The following VPS35L variants were observed in gnomAD, a reference collection of about 807,000 sequenced individuals.
The protein encoded by VPS35L is VPS35 endosomal protein sorting factor like, also known as VPS35 endosomal protein-sorting factor-like.
VPS35L carries 83 observed loss-of-function variants against 133.0 expected under a neutral mutation model. The observed-to-expected ratio is 0.62, with a 90% CI of 0.52 to 0.75. VPS35L has a LOEUF of 0.75. Ranked by LOEUF, VPS35L falls within the 30% of genes least tolerant of loss-of-function variation. The pLI, the probability that VPS35L is intolerant of heterozygous loss-of-function variation, is 0.00. For missense variants in VPS35L, 1,083 were observed against 1,206.8 expected, an observed-to-expected ratio of 0.90 and a Z score of 1.52; for synonymous variants, 423 against 449.9, an observed-to-expected ratio of 0.94 and a Z score of 0.76.
chr16:19,555,800 G>T, intron 1 of VPS35L, 54 bp downstream of exon 1: 1 of 1,531,390 alleles, frequency 6.5e-7, no homozygotes, highest in Non-Finnish European at 8.8e-7. Context: ...TACTTGTGAT[G>T]GGGTCGGCCT....
chr16:19,696,399 G>T (rs982605023), intron 29 of VPS35L, among the ~76,000 whole-genome samples: 4 of 152,144 alleles, frequency 2.6e-5, no homozygotes, highest in Non-Finnish European at 4.4e-5. Flanking sequence ...TCGCAGCTCT[G>T]GTAGCAACCG....
chr16:19,626,740 G>A (rs989314642), intron 15 of VPS35L, among the ~76,000 whole-genome samples: 38 of 151,996 alleles, frequency 2.5e-4, no homozygotes, highest in Middle Eastern at 3.2e-3. Context: ...CTAGCTTGGC[G>A]ACAGAGTGAG....
chr16:19,660,009 C>G (rs1419151828), intron 26 of VPS35L, among the ~76,000 whole-genome samples: 1 of 152,108 alleles, frequency 6.6e-6, no homozygotes, highest in East Asian at 1.9e-4. Context: ...GTCTTCAACC[C>G]TTGGAACATC....
chr16:19,607,304 G>A (rs985184775), intron 9 of VPS35L, among the ~76,000 whole-genome samples: 1 of 152,192 alleles, frequency 6.6e-6, no homozygotes, highest in Non-Finnish European at 1.5e-5. Context: ...CTCATGGTCA[G>A]TATGGCTGCA....
In VPS35L at chr16:19,569,565, G is replaced by T; in HGVS notation, c.259G>T (p.Asp87Tyr). The change falls in exon 3 of 31, where the codon GAC (aspartate) becomes TAC (tyrosine). Residue 87 changes from aspartate (D) to tyrosine (Y), a missense_variant. By Grantham distance (160) the Asp-to-Tyr change is radical. Coordinates refer to ENST00000417362, the MANE Select transcript of VPS35L (RefSeq NM_020314.7). The part of the protein sequence containing the change: ...DPLSMFAATA[D>Y]PAALAAAMDS... The stretch of plus-strand genomic sequence containing the variant: ...CCTCTCCATGTTTGCAGCCACTGCT[G>T]ACCCCGCAGCCTTGGCAGCTGCCAT... The T allele has an allele frequency of 1.3e-6, 2 of 1,575,248 alleles. No individual in the cohort carries two copies. The highest frequency in any genetic ancestry group is 2.3e-5 in the East Asian group (1 of 44,340).
chr16:19,649,260 G>A (rs1463248698), intron 24 of VPS35L, among the ~76,000 whole-genome samples: 1 of 152,140 alleles, frequency 6.6e-6, no homozygotes, highest in Non-Finnish European at 1.5e-5. Flanking sequence ...CAAAGTGCTA[G>A]GATTACAGGC....
chr16:19,677,583 G>C (rs1975107714), intron 27 of VPS35L, among the ~76,000 whole-genome samples: 1 of 152,168 alleles, frequency 6.6e-6, no homozygotes, highest in Non-Finnish European at 1.5e-5. Flanking sequence ...AATCCTGGAG[G>C]TGGGAAGCGG....
intron 19 of VPS35L, among the ~76,000 whole-genome samples, chr16:19,634,513 G>T (rs114187735): frequency 0.024 from 3,614 of 151,826 alleles, 85 homozygotes; most frequent in African/African-American, 0.056. Context: ...CCCAATTTGA[G>T]GATCAAATGG....
intron 28 of VPS35L, among the ~76,000 whole-genome samples, chr16:19,685,833 G>A (rs1293315388): frequency 6.6e-6 from 1 of 152,072 alleles, no homozygotes; most frequent in Non-Finnish European, 1.5e-5. Context: ...AGAAAGCTTT[G>A]AGGACCAGAC....
intron 19 of VPS35L, among the ~76,000 whole-genome samples, chr16:19,634,183 G>A (rs1364904867): frequency 4.0e-5 from 6 of 151,898 alleles, no homozygotes; most frequent in Non-Finnish European, 7.4e-5. Flanking sequence ...AAGGTGTGGT[G>A]GCTCATGCCT....
chr16:19,688,648 C>G (rs1266180247), intron 28 of VPS35L, among the ~76,000 whole-genome samples: 2 of 152,180 alleles, frequency 1.3e-5, no homozygotes, highest in African/African-American at 4.8e-5. Flanking sequence ...CTCCAGAGCT[C>G]TCCCTTTAGC....
intron 21 of VPS35L, among the ~76,000 whole-genome samples, chr16:19,641,690 T>C (rs1449039067): frequency 2.0e-5 from 3 of 152,332 alleles, no homozygotes; most frequent in African/African-American, 7.2e-5. Context: ...TGCCCTTTTA[T>C]ATTATTTGAA....
intron 26 of VPS35L, among the ~76,000 whole-genome samples, chr16:19,656,291 AAG>A (rs1567460751): frequency 6.6e-6 from 1 of 150,594 alleles, no homozygotes; most frequent in African/African-American, 2.5e-5. Flanking sequence ...AGAAAGAAAA[AAG>A]AAAATGGGGG....
chr16:19,638,501 A>C (rs190032976), intron 20 of VPS35L, among the ~76,000 whole-genome samples: 82 of 152,370 alleles, frequency 5.4e-4, no homozygotes, highest in Non-Finnish European at 9.3e-4. Context: ...CCTACGGTAA[A>C]GTTTCATATA....
At chr16:19,592,265 A>G (rs1268119394) in intron 8 of VPS35L, among the ~76,000 whole-genome samples, 2 of 147,160 alleles carry the variant, frequency 1.4e-5, no homozygotes, top group Admixed American at 1.4e-4. Context: ...TTTTTGGTAG[A>G]GACAGAGTCT....
chr16:19,566,843 G>C (rs1027060706), intron 2 of VPS35L, among the ~76,000 whole-genome samples: 1 of 151,242 alleles, frequency 6.6e-6, no homozygotes, highest in East Asian at 2.0e-4. Flanking sequence ...TCTACCTCCC[G>C]GGTTCAAGTG....
At chr16:19,573,383 C>T in intron 4 of VPS35L, 142 bp downstream of exon 4, 1 of 934,160 alleles carries the variant, frequency 1.1e-6, no homozygotes, top group Non-Finnish European at 1.5e-6. Flanking sequence ...ACATATAAGG[C>T]TTCATGTAGT....
Position 19,610,343 on chromosome 16 carries a change from C to A in VPS35L, c.951C>A (p.Pro317=). 6.2e-7 allele frequency: 1 copy of A among 1,614,014 alleles called. No individual in the cohort carries two copies. The highest frequency in any genetic ancestry group is 1.3e-5 in the African/African-American group (1 of 75,022). Residue 317 remains proline, a synonymous_variant, in exon 12 of 31, where the codon CCC becomes CCA. Coordinates refer to ENST00000417362, the MANE Select transcript of VPS35L (RefSeq NM_020314.7). The part of the protein sequence containing the change: ...LSKTGISECL[P]RLTCMIRGIG... ...GCAGGGGAATTTCAGAGTGCCTGCC[C>A]CGGTTGACATGCATGATCAGAGGGA... is the stretch of plus-strand genomic sequence containing the variant.
At chr16:19,690,395 C>CT (rs1975627000) in intron 28 of VPS35L, among the ~76,000 whole-genome samples, 2 of 152,190 alleles carry the variant, frequency 1.3e-5, no homozygotes, top group Admixed American at 1.3e-4. Context: ...CTGTCTTACT[C>CT]TAGGCAGTGG....
Sources: gnomAD v4.1 joint callset for allele counts (sites outside exome capture counted in the v4.1 genomes callset) on GRCh38, gnomAD v4.1.1 for gene constraint, MANE v1.5 for transcripts, NCBI Gene and HGNC (gene_info 2026-07-23, HGNC 2026-07-21) for gene names.